The following SPATA16 variants were observed in gnomAD, a reference collection of about 807,000 sequenced individuals.
The protein encoded by SPATA16 is spermatogenesis associated 16.
In SPATA16, 36 loss-of-function variants were observed where a neutral mutation model predicts 63.3. The ratio of observed to expected loss-of-function variants is 0.57; its 90% CI spans 0.44 to 0.75. The LOEUF (loss-of-function observed/expected upper bound fraction) is 0.75, where lower values mean the gene tolerates loss of function less well. Ranked by LOEUF, SPATA16 falls within the 30% of genes least tolerant of loss-of-function variation. The probability of loss-of-function intolerance (pLI) is 0.00; values close to 1 mark genes in which losing one functional copy is unlikely to be tolerated. For missense variants in SPATA16, 646 were observed against 679.3 expected (o/e 0.95, Z 0.54); for synonymous variants, 203 against 216.7 (o/e 0.94, Z 0.56).
intron 2 of SPATA16, among the ~76,000 whole-genome samples, chr3:173,085,722 A>G (rs776570526): frequency 3.2e-4 from 49 of 152,054 alleles, no homozygotes; most frequent in Non-Finnish European, 3.7e-4. Context: ...TTTTTAACAT[A>G]AAGAGATGTT....
At chr3:173,082,768 G>T (rs985364650) in intron 2 of SPATA16, among the ~76,000 whole-genome samples, 1 of 152,214 alleles carries the variant, frequency 6.6e-6, no homozygotes, top group African/African-American at 2.4e-5. Flanking sequence ...AGGCCTGGAT[G>T]AGGTTCTCTG....
At chr3:172,895,947 C>T (rs372463635) in intron 10 of SPATA16, among the ~76,000 whole-genome samples, 2 of 151,722 alleles carry the variant, frequency 1.3e-5, no homozygotes, top group African/African-American at 2.4e-5. Context: ...GATAAAAGCC[C>T]AGGAGGGCAA....
chr3:173,040,767 G>T (rs1735820507), intron 3 of SPATA16, among the ~76,000 whole-genome samples: 1 of 152,102 alleles, frequency 6.6e-6, no homozygotes, highest in Non-Finnish European at 1.5e-5. Flanking sequence ...CCAGGGAAAT[G>T]GTAATAAGAA....
chr3:172,932,303 A>C (rs1218320730), intron 6 of SPATA16, among the ~76,000 whole-genome samples: 3 of 152,134 alleles, frequency 2.0e-5, no homozygotes, highest in Admixed American at 1.3e-4. Context: ...GTCTATCATT[A>C]CTTTTCTATA....
At chr3:172,961,026 T>G (rs1298314785) in intron 5 of SPATA16, among the ~76,000 whole-genome samples, 1 of 111,894 alleles carries the variant, frequency 8.9e-6, no homozygotes, top group Non-Finnish European at 1.9e-5. Flanking sequence ...TTTTCTCTCT[T>G]TCTCTCTTTC....
intron 4 of SPATA16, among the ~76,000 whole-genome samples, chr3:173,006,417 T>G (rs141672953): frequency 1.3e-4 from 20 of 152,348 alleles, no homozygotes; most frequent in African/African-American, 4.1e-4. Context: ...TTAATCTATT[T>G]GTAGGCATAA....
intron 4 of SPATA16, among the ~76,000 whole-genome samples, chr3:172,994,127 G>A (rs978679324): frequency 6.6e-6 from 1 of 152,010 alleles, no homozygotes. Context: ...ACAGACACCT[G>A]TTCTAAGAAA....
At chr3:173,049,660 G>A (rs1024143736) in intron 2 of SPATA16, among the ~76,000 whole-genome samples, 1 of 152,070 alleles carries the variant, frequency 6.6e-6, no homozygotes, top group Admixed American at 6.6e-5. Context: ...AAGAAAAGAA[G>A]TGAAAATTTA....
At chr3:172,944,663 A>G (rs998398899) in intron 6 of SPATA16, among the ~76,000 whole-genome samples, 2 of 152,262 alleles carry the variant, frequency 1.3e-5, no homozygotes, top group African/African-American at 4.8e-5. Flanking sequence ...AACCTTAGAA[A>G]GGAAGGAAAA....
chr3:173,004,427 A>G (rs1398903561), intron 4 of SPATA16, among the ~76,000 whole-genome samples: 10 of 148,102 alleles, frequency 6.8e-5, no homozygotes, highest in African/African-American at 5.1e-5. Context: ...ATGGCATACC[A>G]TATACAAAAA....
chr3:173,074,543 G>A (rs756423622), intron 2 of SPATA16, among the ~76,000 whole-genome samples: 3 of 152,108 alleles, frequency 2.0e-5, no homozygotes, highest in African/African-American at 4.8e-5. Flanking sequence ...CATGTAAGAC[G>A]TGCCTTTTGC....
At chr3:172,901,785 C>T (rs1560061449) in intron 10 of SPATA16, among the ~76,000 whole-genome samples, 1 of 152,116 alleles carries the variant, frequency 6.6e-6, no homozygotes, top group African/African-American at 2.4e-5. Flanking sequence ...CTGATACCTT[C>T]GTGGCTTGGA....
At chr3:173,090,755 T>G (rs990967029) in intron 2 of SPATA16, among the ~76,000 whole-genome samples, 5 of 152,204 alleles carry the variant, frequency 3.3e-5, no homozygotes, top group African/African-American at 1.2e-4. Flanking sequence ...TATATTCAAA[T>G]GGATACATTT....
At chr3:172,935,163 T>A (rs1210040647) in intron 6 of SPATA16, among the ~76,000 whole-genome samples, 5 of 152,164 alleles carry the variant, frequency 3.3e-5, no homozygotes, top group Admixed American at 6.5e-5. Context: ...TAAAACTCAA[T>A]ACAAACGTGT....
At chr3:172,937,090 CTAGT>C (rs1733015835) in intron 6 of SPATA16, among the ~76,000 whole-genome samples, 1 of 152,058 alleles carries the variant, frequency 6.6e-6, no homozygotes, top group African/African-American at 2.4e-5. Context: ...TATCGAACAC[CTAGT>C]TAGTGTCAGA....
chr3:173,125,616 A>G (rs1738206097), intron 1 of SPATA16, among the ~76,000 whole-genome samples: 1 of 152,120 alleles, frequency 6.6e-6, no homozygotes, highest in African/African-American at 2.4e-5. Flanking sequence ...TGTGTTTTTT[A>G]TGTTATTCAG....
chr3:173,037,190 G>A (rs992150806), intron 3 of SPATA16, among the ~76,000 whole-genome samples: 5 of 151,974 alleles, frequency 3.3e-5, no homozygotes, highest in Non-Finnish European at 7.4e-5. Context: ...TGGTTAATTT[G>A]CATTATATTA....
At chr3:173,097,039 A>T (rs965934618) in intron 2 of SPATA16, among the ~76,000 whole-genome samples, 11 of 152,154 alleles carry the variant, frequency 7.2e-5, no homozygotes, top group African/African-American at 2.7e-4. Context: ...GTCCAAAAAT[A>T]TTAAGTGGAA....
chr3:173,091,961 G>T (rs1320827237), intron 2 of SPATA16, among the ~76,000 whole-genome samples: 6 of 152,208 alleles, frequency 3.9e-5, no homozygotes, highest in African/African-American at 1.4e-4. Context: ...GAGGCAGGTA[G>T]TGTCTCCCTC....
Sources: gnomAD v4.1 joint callset for allele counts (sites outside exome capture counted in the v4.1 genomes callset) on GRCh38, gnomAD v4.1.1 for gene constraint, MANE v1.5 for transcripts, NCBI Gene and HGNC (gene_info 2026-07-23, HGNC 2026-07-21) for gene names.